Variants in OBP2B observed in about 807,000 individuals in gnomAD.
OBP2B encodes odorant-binding protein 2b.
OBP2B carries 10 observed loss-of-function variants against 21.7 expected under a neutral mutation model. The observed-to-expected ratio is 0.46, with a 90% CI of 0.28 to 0.78. The LOEUF (loss-of-function observed/expected upper bound fraction) is 0.78. OBP2B is among the 30% of genes least tolerant of loss of function. The pLI is 0.11. For missense variants in OBP2B, 153 were observed against 217.7 expected (o/e 0.70, Z 1.87); for synonymous variants, 73 against 91.5 (o/e 0.80, Z 1.16).
upstream of OBP2B, among the ~76,000 whole-genome samples, chr9:133,212,863 G>A (rs59166267): frequency 1.9e-3 from 282 of 152,200 alleles, no homozygotes; most frequent in African/African-American, 6.3e-3. Context: ...CCCGGGAGGC[G>A]GAGGTTGCAG....
rs534703852 is a variant in OBP2B at position 133,207,082 on chromosome 9, G to T, written c.388+144C>A. 1.1e-5 allele frequency: 7 copies of T among 635,152 alleles called. No homozygotes were observed. In the East Asian group the frequency reaches 1.4e-4, roughly 13 times the overall value. 39.3% of individuals were successfully genotyped at this position (635,152 alleles called of 1,614,324 possible). ...CATTCCCACTTCAGGTACTTGGACC[G>T]GCTGCCCAGCGGTGCCCGGCACATG... On this transcript the variant is annotated intron_variant, in intron 4 of 6. Coordinates refer to ENST00000372034, the MANE Select transcript of OBP2B (RefSeq NM_014581.4).
chr9:133,207,517 T>G (rs1332358708), intron 3 of OBP2B, among the ~76,000 whole-genome samples, 181 bp from the exon 4 acceptor site: 1 of 152,140 alleles, frequency 6.6e-6, no homozygotes, highest in African/African-American at 2.4e-5. Context: ...AAGGTCCCAA[T>G]GCAAGTAATG....
chr9:133,213,951 A>G (rs559203092), upstream of OBP2B, among the ~76,000 whole-genome samples: 23 of 152,324 alleles, frequency 1.5e-4, no homozygotes, highest in South Asian at 4.1e-4. Context: ...AGAACAATAT[A>G]CCTCATGAAT....
intron 3 of OBP2B, chr9:133,207,727 G>A (rs1318949065): frequency 4.8e-5 from 31 of 648,888 alleles, no homozygotes; most frequent in Non-Finnish European, 6.9e-5. Context: ...TCAGCTTCCC[G>A]ATCCCTAACC....
chr9:133,220,144 G>C, the OBP2B span, among the ~76,000 whole-genome samples: 1 of 152,122 alleles, frequency 6.6e-6, no homozygotes, highest in Non-Finnish European at 1.5e-5. Flanking sequence ...ACGGGCATAG[G>C]GACCTTTGTA....
the OBP2B span, among the ~76,000 whole-genome samples, chr9:133,218,242 G>A: frequency 5.3e-5 from 8 of 152,260 alleles, no homozygotes; most frequent in East Asian, 1.9e-4. Context: ...GGCAGTTTCC[G>A]GGAACACACA....
intron 3 of OBP2B, 142 bp from the exon 4 acceptor site, chr9:133,207,478 G>C (rs1205034264): frequency 3.2e-6 from 2 of 616,418 alleles, no homozygotes; most frequent in Non-Finnish European, 2.9e-6. Context: ...GTGTGGACCC[G>C]GACACGGAGG....
At chr9:133,211,149 C>G (rs1263057570), upstream of OBP2B, among the ~76,000 whole-genome samples, 1 of 151,970 alleles carries the variant, frequency 6.6e-6, no homozygotes, top group Non-Finnish European at 1.5e-5. Context: ...TTAGATGGCA[C>G]CACCAAACAA....
the OBP2B span, among the ~76,000 whole-genome samples, chr9:133,215,587 C>T: frequency 6.6e-6 from 1 of 151,994 alleles, no homozygotes; most frequent in African/African-American, 2.4e-5. Context: ...AGCACAATCT[C>T]GACTCATTGC....
chr9:133,206,316 C>T lies in OBP2B; in HGVS notation c.489G>A (p.Thr163=), dbSNP rs1456057993. The T allele has an allele frequency of 7.4e-6, 12 of 1,613,704 alleles. No individual in the cohort carries two copies. Among genetic ancestry groups the T allele is most frequent in the Middle Eastern group, 1.6e-4 (1 of 6,084 alleles). ...GGGACTGGGCACAGCCATCCTCACCCGTCTGCAGGGGCGTGAAAATGTCCT... is the reference window on the plus strand; with the variant it reads ...GGGACTGGGCACAGCCATCCTCACCTGTCTGCAGGGGCGTGAAAATGTCCT... ...SEEDIFTPLQ[T]GSCVPEH is the part of the protein sequence containing the mutation. Residue 163 remains threonine (T), a splice_region_variant and synonymous_variant, in exon 5 of 7, where the codon ACG becomes ACA. Transcript: ENST00000372034.
chr9:133,215,153 A>G, the OBP2B span, among the ~76,000 whole-genome samples: 1 of 152,218 alleles, frequency 6.6e-6, no homozygotes, highest in African/African-American at 2.4e-5. Context: ...CCTAAACTTA[A>G]AAACACAATA....
At chr9:133,206,500 G>T (rs139911703) in intron 4 of OBP2B, 84 bp from the exon 5 acceptor site, 4 of 1,562,530 alleles carry the variant, frequency 2.6e-6, no homozygotes, top group Non-Finnish European at 1.8e-6. Context: ...AGACGACCAC[G>T]GCCCAGCACC....
upstream of OBP2B, among the ~76,000 whole-genome samples, chr9:133,210,945 G>A (rs1412048460): frequency 1.3e-5 from 2 of 152,178 alleles, no homozygotes; most frequent in East Asian, 3.9e-4. Context: ...CACTTCTCTG[G>A]ATGGCTGTGT....
rs1315192696 is a variant in OBP2B, at chr9:133,206,064, C to T, written c.491-124G>A. 2.4e-6 allele frequency: 3 copies of T among 1,263,924 alleles called. No homozygotes were observed. In the Admixed American group the frequency reaches 5.6e-5, roughly 23 times the overall value. 78.3% of individuals were successfully genotyped at this position (1,263,924 alleles called of 1,614,324 possible). A position where few individuals can be genotyped will look rare whatever the true frequency, so the allele number is the denominator to read the frequency against. On this transcript the variant is annotated intron_variant, in intron 5 of 6. Coordinates refer to ENST00000372034, the MANE Select transcript of OBP2B (RefSeq NM_014581.4). Reference sequence around the variant, plus strand: ...GCCCAGAGCGCGGAGCCCCAGACCCCATCGCAGCCCAGAGCGCGGAGCCCC... The same window carrying T: ...GCCCAGAGCGCGGAGCCCCAGACCCTATCGCAGCCCAGAGCGCGGAGCCCC...
chr9:133,218,599 C>T, the OBP2B span, among the ~76,000 whole-genome samples: 3 of 152,210 alleles, frequency 2.0e-5, no homozygotes, highest in Non-Finnish European at 2.9e-5. Flanking sequence ...AACTGGCCCC[C>T]AGGTGCAAAA....
chr9:133,217,224 G>A, the OBP2B span, among the ~76,000 whole-genome samples: 1 of 152,172 alleles, frequency 6.6e-6, no homozygotes, highest in African/African-American at 2.4e-5. Flanking sequence ...TGAAACAAAT[G>A]TCCTGTGCTC....
the OBP2B span, among the ~76,000 whole-genome samples, chr9:133,214,881 T>C: frequency 6.6e-5 from 10 of 152,360 alleles, no homozygotes; most frequent in Non-Finnish European, 1.0e-4. Context: ...CACTTGTATT[T>C]AACATAGTAC....
At chr9:133,214,265 G>A in the OBP2B span, among the ~76,000 whole-genome samples, 2 of 152,228 alleles carry the variant, frequency 1.3e-5, no homozygotes, top group African/African-American at 2.4e-5. Flanking sequence ...TTCTCATGGT[G>A]AAAGACTGAT....
At chr9:133,222,784 C>A in the OBP2B span, among the ~76,000 whole-genome samples, 4 of 152,010 alleles carry the variant, frequency 2.6e-5, no homozygotes, top group Non-Finnish European at 5.9e-5. Context: ...GAAATGTGAC[C>A]TTCAGGAAGA....
Sources: gnomAD v4.1 joint callset for allele counts (sites outside exome capture counted in the v4.1 genomes callset) on GRCh38, gnomAD v4.1.1 for gene constraint, MANE v1.5 for transcripts, NCBI Gene and HGNC (gene_info 2026-07-23, HGNC 2026-07-21) for gene names.